The following GLRA2 variants were observed in gnomAD, a reference collection of about 807,000 sequenced individuals.
The protein encoded by GLRA2 is glycine receptor subunit alpha-2.
Under a neutral mutation model 31.6 loss-of-function variants are expected in GLRA2, and 11 were observed. That is an observed-to-expected ratio of 0.35 (90% confidence interval 0.22 to 0.58). GLRA2 has a LOEUF of 0.58. GLRA2 is among the 20% of genes least tolerant of loss of function. GLRA2 has a pLI of 0.84. For synonymous variants in GLRA2, 132 were observed against 134.0 expected, an observed-to-expected ratio of 0.99 and a Z score of 0.10; for missense variants, 212 against 351.8, an observed-to-expected ratio of 0.60 and a Z score of 3.18.
At chrX:14,648,483 T>C (rs1341801545) in intron 7 of GLRA2, among the ~76,000 whole-genome samples, 1 of 111,807 alleles carries the variant, frequency 8.9e-6, no homozygotes, top group East Asian at 2.8e-4. Flanking sequence ...TCTTCTCAGA[T>C]CACAAAAACA....
At chrX:14,491,801 T>C in the GLRA2 span, among the ~76,000 whole-genome samples, 144 of 111,492 alleles carry the variant, frequency 1.3e-3, no homozygotes, top group African/African-American at 4.6e-3. Flanking sequence ...GCCTAATAAG[T>C]GAGGATGGAT....
At chrX:14,685,740 T>C (rs962196246) in intron 7 of GLRA2, among the ~76,000 whole-genome samples, 2 of 111,750 alleles carry the variant, frequency 1.8e-5, no homozygotes, top group Non-Finnish European at 3.8e-5. Flanking sequence ...TCTATCAATT[T>C]TGTTGATCAT....
chrX:14,598,905 A>C (rs939833114), intron 4 of GLRA2, among the ~76,000 whole-genome samples: 6 of 112,502 alleles, frequency 5.3e-5, no homozygotes, highest in African/African-American at 1.9e-4. Flanking sequence ...ACAACTGTAA[A>C]GGTAACTGAA....
chrX:14,478,918 C>T, the GLRA2 span, among the ~76,000 whole-genome samples: 219 of 111,882 alleles, frequency 2.0e-3, no homozygotes, highest in African/African-American at 6.7e-3. Context: ...GGAATTGGTT[C>T]TGTTAAAATT....
intron 8 of GLRA2, among the ~76,000 whole-genome samples, chrX:14,724,626 C>CAAAA (rs758722703): frequency 2.0e-5 from 1 of 49,617 alleles, no homozygotes; most frequent in Non-Finnish European, 3.3e-5. Flanking sequence ...AACTCTGTCT[C>CAAAA]AAAAAAAAAA....
At chrX:14,497,308 G>A in the GLRA2 span, among the ~76,000 whole-genome samples, 1 of 111,984 alleles carries the variant, frequency 8.9e-6, no homozygotes, top group Non-Finnish European at 1.9e-5. Flanking sequence ...CTTTCATGAT[G>A]ATTTCAAAAC....
chrX:14,651,165 T>C (rs2090886251), intron 7 of GLRA2, among the ~76,000 whole-genome samples: 1 of 111,941 alleles, frequency 8.9e-6, no homozygotes, highest in Non-Finnish European at 1.9e-5. Context: ...TTTTGTTGAA[T>C]GTGAACCACA....
At chrX:14,474,151 A>G in the GLRA2 span, among the ~76,000 whole-genome samples, 890 of 111,675 alleles carry the variant, frequency 8.0e-3, 4 homozygotes, top group Non-Finnish European at 0.012. Flanking sequence ...ATGATGTACA[A>G]TCCGTTATAT....
intron 2 of GLRA2, among the ~76,000 whole-genome samples, chrX:14,556,311 T>C (rs2089642030): frequency 8.9e-6 from 1 of 111,979 alleles, no homozygotes; most frequent in Non-Finnish European, 1.9e-5. Context: ...GAAAGTCATC[T>C]TTAATTCTAT....
chrX:14,456,898 G>C, the GLRA2 span, among the ~76,000 whole-genome samples: 1 of 111,760 alleles, frequency 8.9e-6, no homozygotes, highest in African/African-American at 3.3e-5. Context: ...TGGATCTTAT[G>C]GTAGTTTTAT....
chrX:14,621,368 CTTTTTT>C (rs370909021), intron 7 of GLRA2, among the ~76,000 whole-genome samples: 2 of 106,589 alleles, frequency 1.9e-5, no homozygotes, highest in African/African-American at 6.8e-5. Flanking sequence ...ATTATTTGTT[CTTTTTT>C]TTTTAACACT....
chrX:14,689,684 C>A (rs1031387489), intron 7 of GLRA2, among the ~76,000 whole-genome samples: 1 of 112,022 alleles, frequency 8.9e-6, no homozygotes, highest in African/African-American at 3.2e-5. Flanking sequence ...GGCTGGCAAG[C>A]ACTTGACAGC....
At chrX:14,571,696 C>T (rs1229973498) in intron 2 of GLRA2, among the ~76,000 whole-genome samples, 2 of 111,194 alleles carry the variant, frequency 1.8e-5, no homozygotes, top group African/African-American at 6.5e-5. Context: ...TTAGTATATG[C>T]GTGTGCTAAT....
At chrX:14,508,507 C>T in the GLRA2 span, among the ~76,000 whole-genome samples, 1 of 111,863 alleles carries the variant, frequency 8.9e-6, no homozygotes, top group Non-Finnish European at 1.9e-5. Flanking sequence ...TCCTGCAGCA[C>T]ACAGTCCTTA....
chrX:14,453,020 C>A, the GLRA2 span, among the ~76,000 whole-genome samples: 2 of 111,703 alleles, frequency 1.8e-5, no homozygotes, highest in East Asian at 5.6e-4. Context: ...CATATGAAAG[C>A]AATTTCACTT....
the GLRA2 span, among the ~76,000 whole-genome samples, chrX:14,517,950 A>G: frequency 2.7e-5 from 3 of 111,597 alleles, no homozygotes; most frequent in African/African-American, 9.7e-5. Flanking sequence ...GCCACAAACC[A>G]GGAAATATTT....
intron 7 of GLRA2, among the ~76,000 whole-genome samples, chrX:14,639,323 G>GT (rs1411944366): frequency 9.0e-6 from 1 of 111,271 alleles, no homozygotes. Context: ...GAACCATTGT[G>GT]TACCCAGCAC....
rs773160194 is a variant in GLRA2 at position 14,712,683 on chromosome X, T to TG, written c.1081-17517dup. On this transcript the variant is annotated intron_variant, in intron 8 of 8. Coordinates refer to ENST00000218075, the MANE Select transcript of GLRA2 (RefSeq NM_002063.4). The stretch of plus-strand genomic sequence containing the variant: ...CTTTATATGAATGTGGGGGAGTAAC[T>TG]GGGGGGGTTAAGGTCTAAAAGGCAA... Among the ~76,000 whole-genome samples, 22 of 93,989 alleles carry TG rather than the reference T, an allele frequency of 2.3e-4. No individual in the cohort carries two copies. The East Asian group carries it at 6.0e-3, about 26-fold the overall frequency. The allele number at this position is 93,989 out of a possible 115,157, so 81.6% of individuals were successfully genotyped here.
chrX:14,482,579 A>T, the GLRA2 span, among the ~76,000 whole-genome samples: 1 of 111,575 alleles, frequency 9.0e-6, no homozygotes, highest in Non-Finnish European at 1.9e-5. Context: ...TATAAAAGCT[A>T]GTAATGGACC....
Sources: allele counts gnomAD v4.1 joint callset (sites outside exome capture counted in the v4.1 genomes callset), GRCh38; gene constraint gnomAD v4.1.1; transcripts MANE v1.5; gene names NCBI Gene and HGNC (gene_info 2026-07-23, HGNC 2026-07-21).